DPYSL3: variants seen among roughly 807,000 people sequenced by gnomAD.
The protein encoded by DPYSL3 is dihydropyrimidinase-related protein 3.
Under a neutral mutation model 66.1 loss-of-function variants are expected in DPYSL3, and 16 were observed. That is an observed-to-expected ratio of 0.24 (90% CI 0.16 to 0.37). The LOEUF is 0.37. Among genes scored for constraint, DPYSL3 ranks in the 10% least tolerant of loss-of-function variants. The pLI is 1.00. For missense variants in DPYSL3, 738 were observed against 916.2 expected, an observed-to-expected ratio of 0.81 and a Z score of 2.51; for synonymous variants, 338 against 345.1, an observed-to-expected ratio of 0.98 and a Z score of 0.23.
intron 1 of DPYSL3, among the ~76,000 whole-genome samples, chr5:147,449,183 C>G (rs1044966991): frequency 6.6e-6 from 1 of 152,050 alleles, no homozygotes; most frequent in Admixed American, 6.5e-5. Flanking sequence ...TAGTTCTAGG[C>G]CCCCAGCTTA....
At chr5:147,441,033 A>C (rs1313009741) in intron 1 of DPYSL3, among the ~76,000 whole-genome samples, 1 of 152,226 alleles carries the variant, frequency 6.6e-6, no homozygotes, top group African/African-American at 2.4e-5. Flanking sequence ...CCATATACAC[A>C]ATTATGGTTG....
In DPYSL3 at chr5:147,499,087, G is replaced by A. The variant is rs182291765; in HGVS notation, c.381+10391C>T. On this transcript the variant is annotated intron_variant, in intron 1 of 13. Transcript: ENST00000343218. ...ATTTCACTCTTTAATCCATCTTGAG[G>A]TAATTTTTTTATATGGTGCACCACT... 2.0e-5 allele frequency among the ~76,000 whole-genome samples: 3 copies of A among 152,114 alleles called. No homozygotes were observed. The East Asian group carries it at 5.8e-4, about 29-fold the overall frequency.
At chr5:147,394,155 A>G (rs752826138) in intron 13 of DPYSL3, 32 bp from the exon 14 acceptor site, 6 of 1,610,228 alleles carry the variant, frequency 3.7e-6, no homozygotes, top group Non-Finnish European at 5.1e-6. Context: ...CAGGGGGAAA[A>G]AAAAAACAGA....
chr5:147,504,812 G>C (rs1015218763), intron 1 of DPYSL3, among the ~76,000 whole-genome samples: 5 of 152,142 alleles, frequency 3.3e-5, no homozygotes, highest in African/African-American at 1.2e-4. Context: ...CAAGACTCCT[G>C]ATAGAAAGTT....
chr5:147,418,412 T>G, intron 3 of DPYSL3, 35 bp downstream of exon 3: 2 of 1,553,066 alleles, frequency 1.3e-6, no homozygotes, highest in Non-Finnish European at 1.7e-6. Flanking sequence ...CACACACTTC[T>G]GAGAAACAGG....
intron 1 of DPYSL3, among the ~76,000 whole-genome samples, chr5:147,456,013 CA>C (rs1752848066): frequency 6.6e-6 from 1 of 152,068 alleles, no homozygotes; most frequent in African/African-American, 2.4e-5. Flanking sequence ...ATGGCAATTG[CA>C]ATGTGTTCTT....
chr5:147,479,049 C>G (rs542778797), intron 1 of DPYSL3, among the ~76,000 whole-genome samples: 29 of 152,100 alleles, frequency 1.9e-4, no homozygotes, highest in African/African-American at 6.3e-4. Context: ...TAAATTCTAC[C>G]TGAGTACATC....
At chr5:147,412,250 C>T (rs888614889) in intron 6 of DPYSL3, among the ~76,000 whole-genome samples, 3 of 152,206 alleles carry the variant, frequency 2.0e-5, no homozygotes. Flanking sequence ...GCCTTACGGT[C>T]TTTCTTTATG....
intron 1 of DPYSL3, among the ~76,000 whole-genome samples, chr5:147,439,355 G>C (rs1434129725): frequency 6.7e-6 from 1 of 149,216 alleles, no homozygotes; most frequent in East Asian, 2.0e-4. Flanking sequence ...CTGAACAGAT[G>C]TGAATAATCT....
intron 1 of DPYSL3, among the ~76,000 whole-genome samples, chr5:147,453,029 C>A (rs1048758076): frequency 6.6e-6 from 1 of 152,058 alleles, no homozygotes; most frequent in Admixed American, 6.5e-5. Context: ...GGGGACACGG[C>A]GAGGACAGGT....
chr5:147,469,859 A>G (rs1477181817), intron 1 of DPYSL3, among the ~76,000 whole-genome samples: 1 of 152,212 alleles, frequency 6.6e-6, no homozygotes, highest in Non-Finnish European at 1.5e-5. Flanking sequence ...GTGATCCACA[A>G]GCGCCTCAGT....
rs17106709 is a variant in DPYSL3 at position 147,418,472 on chromosome 5, G to A, written c.630C>T (p.Ala210=). ...VDDFFQGTKA[A]LAGGTTMIID... ...TGATCATGGTGGTGCCACCTGCTAA[G>A]GCCGCCTTTGTCCCTTGGAAGAAGT... Residue 210 remains alanine, a synonymous_variant, in exon 3 of 14, where the codon GCC becomes GCT. Coordinates refer to ENST00000343218, the MANE Select transcript of DPYSL3 (RefSeq NM_001197294.2). 8.4e-3 allele frequency: 13,603 copies of A among 1,610,970 alleles called. 752 individuals are homozygous for A. The East Asian group carries it at 0.15, about 18-fold the overall frequency.
At chr5:147,505,582 C>T (rs989221611) in intron 1 of DPYSL3, among the ~76,000 whole-genome samples, 16 of 152,232 alleles carry the variant, frequency 1.1e-4, no homozygotes, top group African/African-American at 3.6e-4. Context: ...TATTTAACCT[C>T]ATTACAATTT....
At chr5:147,504,887 T>C (rs1480575131) in intron 1 of DPYSL3, among the ~76,000 whole-genome samples, 5 of 152,230 alleles carry the variant, frequency 3.3e-5, no homozygotes, top group Non-Finnish European at 7.3e-5. Flanking sequence ...AGAGTCCTTA[T>C]GATATAATTT....
chr5:147,410,363 T>G (rs77740465), intron 6 of DPYSL3, among the ~76,000 whole-genome samples: 2,981 of 152,212 alleles, frequency 0.02, 94 homozygotes, highest in African/African-American at 0.068. Flanking sequence ...ATTAGAAAAA[T>G]TTGGTGATTC....
chr5:147,469,611 A>G (rs1753056081), intron 1 of DPYSL3, among the ~76,000 whole-genome samples: 1 of 152,220 alleles, frequency 6.6e-6, no homozygotes, highest in Admixed American at 6.5e-5. Flanking sequence ...AGTGAACCCA[A>G]TCAAAAGATA....
intron 1 of DPYSL3, among the ~76,000 whole-genome samples, chr5:147,477,367 T>A (rs979143297): frequency 4.6e-5 from 7 of 151,956 alleles, no homozygotes; most frequent in Admixed American, 6.6e-5. Flanking sequence ...ACAAAGAGAT[T>A]AAGAGACCAG....
intron 2 of DPYSL3, among the ~76,000 whole-genome samples, chr5:147,420,839 T>C (rs1273829264): frequency 6.6e-6 from 1 of 152,194 alleles, no homozygotes; most frequent in African/African-American, 2.4e-5. Flanking sequence ...AAAGGAATCA[T>C]CTTACACCTT....
At chr5:147,454,629 C>T (rs934123591) in intron 1 of DPYSL3, among the ~76,000 whole-genome samples, 1 of 152,198 alleles carries the variant, frequency 6.6e-6, no homozygotes, top group Non-Finnish European at 1.5e-5. Flanking sequence ...AGCCCAGACA[C>T]GTTCCTGGTG....
Sources: allele counts gnomAD v4.1 joint callset (sites outside exome capture counted in the v4.1 genomes callset), GRCh38; gene constraint gnomAD v4.1.1; transcripts MANE v1.5; gene names NCBI Gene and HGNC (gene_info 2026-07-23, HGNC 2026-07-21).